Variants in DHX35 observed in about 807,000 individuals in gnomAD.
The protein encoded by DHX35 is DEAH-box helicase 35.
DHX35 carries 84 observed loss-of-function variants against 99.6 expected under a neutral mutation model. The observed-to-expected ratio is 0.84, with a 90% confidence interval of 0.71 to 1.01. DHX35 has a LOEUF of 1.01. Among genes scored for constraint, DHX35 ranks in the 50% least tolerant of loss-of-function variants. DHX35 has a pLI of 0.00. For missense variants in DHX35, 852 were observed against 888.5 expected, an observed-to-expected ratio of 0.96 and a Z score of 0.52; for synonymous variants, 331 against 316.2, an observed-to-expected ratio of 1.05 and a Z score of -0.50.
chr20:38,981,943 C>CA (rs1161300647), intron 3 of DHX35, among the ~76,000 whole-genome samples: 1,363 of 86,754 alleles, frequency 0.016, 20 homozygotes, highest in African/African-American at 0.039. Context: ...GACTCTGTCT[C>CA]AAAAAAAAAA....
At chr20:38,972,266 C>A (rs776393513) in intron 2 of DHX35, among the ~76,000 whole-genome samples, 5 of 152,100 alleles carry the variant, frequency 3.3e-5, no homozygotes, top group African/African-American at 4.8e-5. Context: ...CGGCCCTGGC[C>A]TCCCAAAGTG....
At chr20:38,984,387 TCTC>T (rs2086220083) in intron 4 of DHX35, among the ~76,000 whole-genome samples, 1 of 152,130 alleles carries the variant, frequency 6.6e-6, no homozygotes. Flanking sequence ...ATTCCAAGCT[TCTC>T]CTAAAGATGA....
At chr20:39,026,840 G>A (rs1038065162) in intron 18 of DHX35, among the ~76,000 whole-genome samples, 2 of 152,178 alleles carry the variant, frequency 1.3e-5, no homozygotes, top group Non-Finnish European at 2.9e-5. Context: ...CTTACAAGGA[G>A]CACCTAGTTG....
Position 39,003,921 on chromosome 20 carries a change from G to C in DHX35, c.1011+14G>C. 1 of 1,612,520 alleles carries C rather than the reference G, an allele frequency of 6.2e-7. No homozygotes were observed. Among genetic ancestry groups the C allele is most frequent in the Non-Finnish European group, 8.5e-7 (1 of 1,178,710 alleles). On this transcript the variant is annotated intron_variant, in intron 11 of 21. Transcript: ENST00000252011. Reference sequence around the variant, plus strand: ...AGTGTCAGAAAGGTGAGACTATCCTGATGACCAAGGGTGTTGGCAGCCGTC... The same window carrying C: ...AGTGTCAGAAAGGTGAGACTATCCTCATGACCAAGGGTGTTGGCAGCCGTC...
At chr20:39,018,579 G>A (rs1375775385) in intron 14 of DHX35, among the ~76,000 whole-genome samples, 2 of 152,012 alleles carry the variant, frequency 1.3e-5, no homozygotes, top group African/African-American at 2.4e-5. Flanking sequence ...GTCTTTAGAA[G>A]TATCAGTTTT....
At chr20:38,983,205 C>T (rs781682229) in intron 3 of DHX35, among the ~76,000 whole-genome samples, 100 of 152,154 alleles carry the variant, frequency 6.6e-4, no homozygotes, top group Non-Finnish European at 9.1e-4. Context: ...CGGCATGAGC[C>T]GCCGTGCCTG....
At chr20:39,013,042 C>T (rs948460080) in intron 13 of DHX35, among the ~76,000 whole-genome samples, 3 of 151,666 alleles carry the variant, frequency 2.0e-5, no homozygotes, top group African/African-American at 7.3e-5. Flanking sequence ...AAAAAGCTTA[C>T]ATATGTGATA....
chr20:39,008,388 A>G (rs532844343), intron 12 of DHX35, among the ~76,000 whole-genome samples: 2 of 152,336 alleles, frequency 1.3e-5, no homozygotes, highest in South Asian at 4.1e-4. Context: ...CGTTTTGGCT[A>G]TTACAGGGTT....
In DHX35 at chr20:39,003,465, G is replaced by A. The variant is rs187613642; in HGVS notation, c.853-284G>A. Among the ~76,000 whole-genome samples the A allele has an allele frequency of 8.3e-4, 126 of 152,270 alleles. 1 individual carries two copies. Among genetic ancestry groups the A allele is most frequent in the African/African-American group, 2.9e-3 (122 of 41,546 alleles). On this transcript the variant is annotated intron_variant, in intron 10 of 21. Coordinates refer to ENST00000252011, the MANE Select transcript of DHX35 (RefSeq NM_021931.4). ...GTTTGACACCGTATATGTATGCTGA[G>A]TAAAATAGTCATCGTTTTTATTTAT...
chr20:39,022,768 G>C (rs558901537), intron 16 of DHX35, among the ~76,000 whole-genome samples: 1 of 152,238 alleles, frequency 6.6e-6, no homozygotes, highest in Non-Finnish European at 1.5e-5. Flanking sequence ...TAAGGTGCAG[G>C]CATCAGCAAT....
chr20:38,983,628 G>A, intron 3 of DHX35, 71 bp from the exon 4 acceptor site: 1 of 1,261,392 alleles, frequency 7.9e-7, no homozygotes, highest in Non-Finnish European at 1.2e-6. Context: ...ACACAATACG[G>A]GAGCATCTTG....
chr20:38,984,539 C>G (rs552560098), intron 4 of DHX35, among the ~76,000 whole-genome samples: 7 of 152,062 alleles, frequency 4.6e-5, no homozygotes, highest in Non-Finnish European at 1.0e-4. Context: ...TAAATGTTCA[C>G]CGCAAGATAA....
intron 13 of DHX35, among the ~76,000 whole-genome samples, chr20:39,014,031 T>G (rs1359926851): frequency 6.6e-6 from 1 of 152,234 alleles, no homozygotes; most frequent in Non-Finnish European, 1.5e-5. Flanking sequence ...TTTTCCTTAT[T>G]GCAGTTCAGT....
intron 12 of DHX35, among the ~76,000 whole-genome samples, chr20:39,009,657 T>A (rs1164070640): frequency 1.3e-5 from 2 of 152,260 alleles, no homozygotes; most frequent in Admixed American, 1.3e-4. Context: ...CAAAGTCTCT[T>A]CTCCTTCCCC....
chr20:38,993,390 G>A (rs2086371785), intron 7 of DHX35, among the ~76,000 whole-genome samples: 1 of 151,650 alleles, frequency 6.6e-6, no homozygotes, highest in African/African-American at 2.4e-5. Flanking sequence ...ACGGAGTTTT[G>A]CCCTTGTTGC....
chr20:38,988,242 T>A lies in DHX35; in HGVS notation c.346-571T>A, dbSNP rs117956679. On this transcript the variant is annotated intron_variant, in intron 4 of 21. Transcript: ENST00000252011. Reference sequence around the variant, plus strand: ...GAAATTTTTTCTGTAATTTTTTGGATCTTGATCCGTAACATTTTTATGTGA... The same window carrying A: ...GAAATTTTTTCTGTAATTTTTTGGAACTTGATCCGTAACATTTTTATGTGA... Among the ~76,000 whole-genome samples the A allele has an allele frequency of 3.4e-3, 511 of 152,364 alleles. 3 individuals are homozygous for A. Among genetic ancestry groups the A allele is most frequent in the Middle Eastern group, 0.014 (4 of 294 alleles).
chr20:39,003,365 G>A (rs1244177937), intron 10 of DHX35, among the ~76,000 whole-genome samples: 2 of 152,168 alleles, frequency 1.3e-5, no homozygotes, highest in Non-Finnish European at 2.9e-5. Context: ...CACTTTCCAT[G>A]GTTCAGTAAT....
At chr20:39,000,810 C>A (rs1205680117) in intron 8 of DHX35, among the ~76,000 whole-genome samples, 1 of 151,988 alleles carries the variant, frequency 6.6e-6, no homozygotes, top group Non-Finnish European at 1.5e-5. Context: ...GAAAGGGCAC[C>A]CAGATTCAAA....
At position 38,968,978 on chromosome 20, in the gene DHX35, T is replaced by C; in HGVS notation, c.41-103T>C. On this transcript the variant is annotated intron_variant, in intron 1 of 21. Coordinates refer to ENST00000252011, the MANE Select transcript of DHX35 (RefSeq NM_021931.4). ...CCTTTGAGTAGTTTGAGATAAAAAG[T>C]ATTGCTTCTTCTGTATATCTTCATC... is the stretch of plus-strand genomic sequence containing the variant. 3 of 1,307,916 alleles carry C rather than the reference T, an allele frequency of 2.3e-6. 1 individual carries two copies. The South Asian group carries it at 5.2e-5, about 23-fold the overall frequency. The allele number at this position is 1,307,916 out of a possible 1,614,324, so 81.0% of individuals were successfully genotyped here. A position where few individuals can be genotyped will look rare whatever the true frequency, so the allele number is the denominator to read the frequency against.
Sources: allele counts gnomAD v4.1 joint callset (sites outside exome capture counted in the v4.1 genomes callset), GRCh38; gene constraint gnomAD v4.1.1; transcripts MANE v1.5; gene names NCBI Gene and HGNC (gene_info 2026-07-23, HGNC 2026-07-21).